Variants in ZNF385C observed in about 807,000 individuals in gnomAD.
ZNF385C encodes the protein zinc finger protein 385C.
In ZNF385C, 28 loss-of-function variants were observed where a neutral mutation model predicts 35.4. The observed-to-expected ratio is 0.79, with a 90% CI of 0.59 to 1.08. The LOEUF is 1.08. Ranked by LOEUF, ZNF385C falls within the 50% of genes least tolerant of loss-of-function variation. The pLI is 0.00. For missense variants in ZNF385C, 605 were observed against 595.6 expected (o/e 1.02, Z -0.16); for synonymous variants, 248 against 248.2 (o/e 1.00, Z 0.01).
intron 3 of ZNF385C, among the ~76,000 whole-genome samples, chr17:42,034,725 G>A (rs1209498088): frequency 2.0e-5 from 3 of 150,346 alleles, no homozygotes; most frequent in Non-Finnish European, 3.0e-5. Flanking sequence ...TGGAGGTTGC[G>A]GTGAACCGAG....
chr17:42,042,453 C>T (rs1370642990), intron 2 of ZNF385C, among the ~76,000 whole-genome samples: 2 of 151,568 alleles, frequency 1.3e-5, no homozygotes, highest in African/African-American at 4.9e-5. Context: ...GCCAGGAAGG[C>T]AGAGGTTGCA....
intron 1 of ZNF385C, among the ~76,000 whole-genome samples, chr17:42,067,813 C>G (rs2053569684): frequency 6.6e-6 from 1 of 152,130 alleles, no homozygotes; most frequent in Non-Finnish European, 1.5e-5. Flanking sequence ...AGGTCCCATT[C>G]CCCGGGTGGA....
intron 1 of ZNF385C, among the ~76,000 whole-genome samples, chr17:42,091,868 G>A (rs1227952099): frequency 6.6e-6 from 1 of 152,190 alleles, no homozygotes. Context: ...CAGAGACTCA[G>A]GGACCAGGAG....
chr17:42,055,287 C>T (rs1311070804), intron 2 of ZNF385C, among the ~76,000 whole-genome samples: 4 of 152,128 alleles, frequency 2.6e-5, no homozygotes, highest in African/African-American at 7.2e-5. Flanking sequence ...AAGCCCAGAG[C>T]TAATTAACCC....
intron 1 of ZNF385C, among the ~76,000 whole-genome samples, chr17:42,070,111 G>T (rs531056192): frequency 6.6e-6 from 1 of 152,022 alleles, no homozygotes; most frequent in Non-Finnish European, 1.5e-5. Flanking sequence ...TTGGGAGGCC[G>T]AGGCGGGCGG....
chr17:42,075,237 C>A (rs2053671535), intron 1 of ZNF385C, among the ~76,000 whole-genome samples: 1 of 152,122 alleles, frequency 6.6e-6, no homozygotes, highest in Non-Finnish European at 1.5e-5. Context: ...TATGTGCTCC[C>A]AGGGCACCTT....
intron 1 of ZNF385C, among the ~76,000 whole-genome samples, chr17:42,092,922 C>G (rs7211887): frequency 6.3e-4 from 58 of 92,174 alleles, no homozygotes; most frequent in African/African-American, 8.9e-4. Flanking sequence ...GAGCGGGGGG[C>G]GGGGGTCCGG....
In ZNF385C at chr17:42,062,869, C is replaced by A. The variant is rs782372453; in HGVS notation, c.188G>T (p.Gly63Val). 9.1e-6 allele frequency: 6 copies of A among 661,254 alleles called. No individual in the cohort carries two copies. Among genetic ancestry groups the A allele is most frequent in the South Asian group, 1.6e-5 (1 of 60,988 alleles). The allele number at this position is 661,254 out of a possible 1,614,324, so 41.0% of individuals were successfully genotyped here. Residue 63 changes from glycine (G) to valine (V), a missense_variant, in exon 2 of 9, where the codon GGG (glycine) becomes GTG (valine). By Grantham distance (109) the Gly-to-Val change is moderately radical (BLOSUM62 -3). Transcript: ENST00000692273. Reference sequence around the variant, plus strand: ...AAGCCGCCTCTGGTGGGCCCGCCCCCCACAGTGCACCTGGGCCTGGGCCGC... The same window carrying A: ...AAGCCGCCTCTGGTGGGCCCGCCCCACACAGTGCACCTGGGCCTGGGCCGC... Reference protein sequence around the residue: ...NSAAQAQVHCGGRAHQRRLRQ... With the variant: ...NSAAQAQVHCVGRAHQRRLRQ...
Position 42,037,717 on chromosome 17 carries a change from C to T in ZNF385C, c.399+20G>A, listed in dbSNP as rs1002875047. Reference sequence around the variant, plus strand: ...CCACAAGCTTGTGTGCATGCCCCCACCCGCCAGCCCAGCCCATACCGTGCT... The same window carrying T: ...CCACAAGCTTGTGTGCATGCCCCCATCCGCCAGCCCAGCCCATACCGTGCT... On this transcript the variant is annotated intron_variant, in intron 3 of 8. Transcript: ENST00000692273. 1.3e-5 allele frequency: 20 copies of T among 1,499,294 alleles called. No individual in the cohort carries two copies. Among genetic ancestry groups the T allele is most frequent in the Middle Eastern group, 4.7e-4 (2 of 4,236 alleles). 92.9% of individuals were successfully genotyped at this position (1,499,294 alleles called of 1,614,324 possible).
intron 2 of ZNF385C, chr17:42,039,828 C>CA: frequency 8.1e-7 from 1 of 1,232,078 alleles, no homozygotes; most frequent in Non-Finnish European, 1.0e-6. Flanking sequence ...TGTGGCCCCC[C>CA]CGGCCTTCCC....
intron 1 of ZNF385C, among the ~76,000 whole-genome samples, chr17:42,074,600 A>G (rs1427376800): frequency 6.6e-6 from 1 of 152,238 alleles, no homozygotes; most frequent in East Asian, 1.9e-4. Context: ...CATGTTGTCC[A>G]GGATGGTCTC....
At chr17:42,048,954 AAC>A (rs1394773035) in intron 2 of ZNF385C, among the ~76,000 whole-genome samples, 15 of 137,024 alleles carry the variant, frequency 1.1e-4, no homozygotes, top group Non-Finnish European at 1.8e-4. Context: ...AAAAAAAAAA[AAC>A]AAAAATACTG....
chr17:42,051,518 A>T (rs2053281352), intron 2 of ZNF385C, among the ~76,000 whole-genome samples: 1 of 152,002 alleles, frequency 6.6e-6, no homozygotes, highest in Non-Finnish European at 1.5e-5. Flanking sequence ...CTGTTTCCTC[A>T]TCTGTAAAGT....
At chr17:42,067,427 G>A (rs1330163695) in intron 1 of ZNF385C, among the ~76,000 whole-genome samples, 2 of 152,148 alleles carry the variant, frequency 1.3e-5, no homozygotes, top group African/African-American at 4.8e-5. Context: ...CTAGGGTTTG[G>A]ATGTTGTGGC....
rs782547492 is a variant in ZNF385C, at chr17:42,063,042, C to T, written c.15G>A (p.Leu5=). The T allele has an allele frequency of 1.5e-6, 1 of 653,366 alleles. No individual in the cohort carries two copies. The highest frequency in any genetic ancestry group is 1.7e-5 in the South Asian group (1 of 59,224). The allele number at this position is 653,366 out of a possible 1,614,324, so 40.5% of individuals were successfully genotyped here. Residue 5 remains leucine, a synonymous_variant, in exon 2 of 9, where the codon CTG becomes CTA. Coordinates refer to ENST00000692273, the MANE Select transcript of ZNF385C (RefSeq NM_001392013.1). ...CCTTCTCAGCCGGTGGGGGTGGGCT[C>T]AGTGGCCGCTTCATATCTGAGTGGA... MKRP[L]SPPPPAEKET...
At chr17:42,086,208 A>T (rs1555660122) in intron 1 of ZNF385C, among the ~76,000 whole-genome samples, 1 of 151,734 alleles carries the variant, frequency 6.6e-6, no homozygotes, top group East Asian at 1.9e-4. Context: ...CCTGCGCAAC[A>T]TGGTGAAACC....
At chr17:42,071,940 A>C (rs782225822) in intron 1 of ZNF385C, among the ~76,000 whole-genome samples, 8 of 152,038 alleles carry the variant, frequency 5.3e-5, no homozygotes, top group African/African-American at 1.9e-4. Context: ...ACTGTTCCTG[A>C]GTTGTGGGTG....
intron 2 of ZNF385C, chr17:42,043,238 CGAG>C: frequency 2.4e-6 from 3 of 1,232,216 alleles, no homozygotes; most frequent in Non-Finnish European, 3.0e-6. Context: ...TGGCGGCACT[CGAG>C]GCAGAACATC....
At chr17:42,047,465 A>G (rs2053189311) in intron 2 of ZNF385C, among the ~76,000 whole-genome samples, 3 of 151,824 alleles carry the variant, frequency 2.0e-5, no homozygotes. Context: ...GCCTGGCCCA[A>G]TTAGACGATC....
Sources: gnomAD v4.1 joint callset for allele counts (sites outside exome capture counted in the v4.1 genomes callset) on GRCh38, gnomAD v4.1.1 for gene constraint, MANE v1.5 for transcripts, NCBI Gene and HGNC (gene_info 2026-07-23, HGNC 2026-07-21) for gene names.